TUSC3: variants seen among roughly 807,000 people sequenced by gnomAD.
TUSC3 encodes the protein dolichyl-diphosphooligosaccharide--protein glycosyltransferase subunit TUSC3.
A neutral mutation model predicts 44.8 loss-of-function variants in TUSC3; 45 were observed. The ratio of observed to expected loss-of-function variants is 1.00; its 90% confidence interval spans 0.79 to 1.29. TUSC3 has a LOEUF of 1.29. Among genes scored for constraint, TUSC3 ranks in the 50% most tolerant of loss-of-function variants. TUSC3 has a pLI of 0.00. For missense variants in TUSC3, 519 were observed against 437.9 expected, an observed-to-expected ratio of 1.19 and a Z score of -1.65; for synonymous variants, 212 against 152.9, an observed-to-expected ratio of 1.39 and a Z score of -2.85.
At chr8:15,427,658 C>T (rs1315541638) in intron 1 of TUSC3, among the ~76,000 whole-genome samples, 1 of 148,574 alleles carries the variant, frequency 6.7e-6, no homozygotes, top group African/African-American at 2.5e-5. Flanking sequence ...TTCTCTAAAA[C>T]TTGCCTTGGT....
At chr8:15,604,530 A>C (rs1436727766) in intron 1 of TUSC3, among the ~76,000 whole-genome samples, 1 of 151,788 alleles carries the variant, frequency 6.6e-6, no homozygotes, top group Admixed American at 6.6e-5. Flanking sequence ...TATTGTAAAT[A>C]TTTTAATAAA....
chr8:15,500,633 A>G (rs1346496960), intron 2 of TUSC3, among the ~76,000 whole-genome samples: 2 of 152,250 alleles, frequency 1.3e-5, no homozygotes, highest in African/African-American at 2.4e-5. Flanking sequence ...GATGAATCAA[A>G]TCTTTTTTAA....
chr8:15,636,817 T>C (rs987998256), intron 2 of TUSC3, among the ~76,000 whole-genome samples: 1 of 152,314 alleles, frequency 6.6e-6, no homozygotes, highest in Non-Finnish European at 1.5e-5. Context: ...GGCCTCCTTT[T>C]TGGGGTCAAG....
At chr8:15,445,273 A>G (rs528196969) in intron 1 of TUSC3, among the ~76,000 whole-genome samples, 2 of 152,344 alleles carry the variant, frequency 1.3e-5, no homozygotes, top group East Asian at 3.9e-4. Context: ...CTGGGTCTCC[A>G]GGAAAAAGTA....
At chr8:15,543,542 T>G (rs1217164062) in intron 1 of TUSC3, among the ~76,000 whole-genome samples, 1 of 152,092 alleles carries the variant, frequency 6.6e-6, no homozygotes, top group Non-Finnish European at 1.5e-5. Context: ...TACCCATATC[T>G]CAGGTATTAT....
At chr8:15,574,326 A>G (rs1307965511) in intron 1 of TUSC3, among the ~76,000 whole-genome samples, 1 of 152,130 alleles carries the variant, frequency 6.6e-6, no homozygotes, top group Non-Finnish European at 1.5e-5. Flanking sequence ...AATTATAAAT[A>G]AATATGATGA....
chr8:15,852,007 T>C, the TUSC3 span, among the ~76,000 whole-genome samples: 13 of 152,144 alleles, frequency 8.5e-5, no homozygotes, highest in East Asian at 1.9e-4. Flanking sequence ...ATGTGAGATG[T>C]GCCTTTTGCC....
chr8:15,545,226 T>C (rs185334237), intron 1 of TUSC3, among the ~76,000 whole-genome samples: 1 of 151,698 alleles, frequency 6.6e-6, no homozygotes, highest in African/African-American at 2.4e-5. Flanking sequence ...AAGCAACTAA[T>C]GTCCACAGCA....
intron 1 of TUSC3, among the ~76,000 whole-genome samples, chr8:15,597,597 T>C (rs1022115026): frequency 2.0e-5 from 3 of 152,112 alleles, no homozygotes; most frequent in African/African-American, 7.2e-5. Flanking sequence ...TAACAACATC[T>C]AAAATACTAG....
chr8:15,620,985 G>T (rs1470239359), intron 1 of TUSC3, among the ~76,000 whole-genome samples: 1 of 141,532 alleles, frequency 7.1e-6, no homozygotes, highest in South Asian at 2.2e-4. Context: ...TGTGTGTGGT[G>T]TGTGTCTGTG....
intron 6 of TUSC3, among the ~76,000 whole-genome samples, chr8:15,683,394 T>C (rs1054610710): frequency 6.6e-6 from 1 of 152,130 alleles, no homozygotes; most frequent in East Asian, 1.9e-4. Flanking sequence ...AGGAGTGATG[T>C]TCAGGCTCTG....
At chr8:15,654,519 A>G (rs1285677934) in intron 3 of TUSC3, among the ~76,000 whole-genome samples, 1 of 152,170 alleles carries the variant, frequency 6.6e-6, no homozygotes, top group Non-Finnish European at 1.5e-5. Context: ...TGATGTTTAC[A>G]CTGCATTGCA....
the TUSC3 span, among the ~76,000 whole-genome samples, chr8:15,782,074 A>G: frequency 1.3e-5 from 2 of 152,162 alleles, no homozygotes; most frequent in Non-Finnish European, 2.9e-5. Context: ...GGCAGAGGTG[A>G]CAGTGAGCCG....
chr8:15,543,320 T>C (rs940016257), intron 1 of TUSC3, among the ~76,000 whole-genome samples: 1 of 152,174 alleles, frequency 6.6e-6, no homozygotes, highest in Non-Finnish European at 1.5e-5. Context: ...GAAGCCAAAC[T>C]GAAGTCTTAA....
chr8:15,593,212 A>T (rs1272188138), intron 1 of TUSC3, among the ~76,000 whole-genome samples: 2 of 151,984 alleles, frequency 1.3e-5, no homozygotes, highest in African/African-American at 4.8e-5. Flanking sequence ...CAGCCTCCTG[A>T]GTAGCTGGGA....
At chr8:15,654,486 C>T (rs908304157) in intron 3 of TUSC3, among the ~76,000 whole-genome samples, 3 of 152,144 alleles carry the variant, frequency 2.0e-5, no homozygotes, top group Non-Finnish European at 2.9e-5. Context: ...GTTATATATA[C>T]ATGTTGTATG....
the TUSC3 span, among the ~76,000 whole-genome samples, chr8:15,800,420 C>G: frequency 6.6e-6 from 1 of 151,828 alleles, no homozygotes; most frequent in Non-Finnish European, 1.5e-5. Context: ...AAAAAATACA[C>G]AAATTAGCCG....
At chr8:15,690,761 T>A (rs1238828039) in intron 6 of TUSC3, among the ~76,000 whole-genome samples, 1 of 152,118 alleles carries the variant, frequency 6.6e-6, no homozygotes, top group Non-Finnish European at 1.5e-5. Flanking sequence ...TAGGGAATCC[T>A]TTCCCCATTG....
intron 1 of TUSC3, among the ~76,000 whole-genome samples, chr8:15,542,599 T>A (rs1027085335): frequency 1.3e-5 from 2 of 152,166 alleles, no homozygotes; most frequent in African/African-American, 4.8e-5. Flanking sequence ...GTGTACATGT[T>A]TACAGCATCT....
Sources: allele counts gnomAD v4.1 joint callset (sites outside exome capture counted in the v4.1 genomes callset), GRCh38; gene constraint gnomAD v4.1.1; transcripts MANE v1.5; gene names NCBI Gene and HGNC (gene_info 2026-07-23, HGNC 2026-07-21).